Variants in TNFSF10 observed in about 807,000 individuals in gnomAD.
The protein encoded by TNFSF10 is TNF superfamily member 10, also known as tumor necrosis factor ligand superfamily member 10.
In TNFSF10, 13 loss-of-function variants were observed where a neutral mutation model predicts 29.5. That is an observed-to-expected ratio of 0.44 (90% confidence interval 0.29 to 0.70). The LOEUF (loss-of-function observed/expected upper bound fraction) is 0.70. TNFSF10 is among the 30% of genes least tolerant of loss of function. TNFSF10 has a pLI of 0.13. For synonymous variants in TNFSF10, 111 were observed against 112.8 expected (o/e 0.98, Z 0.10); for missense variants, 345 against 330.9 (o/e 1.04, Z -0.33).
intron 2 of TNFSF10, 91 bp from the exon 3 acceptor site, chr3:172,511,750 A>C: frequency 8.7e-7 from 1 of 1,147,820 alleles, no homozygotes; most frequent in Non-Finnish European, 1.3e-6. Flanking sequence ...GATGTCTAAC[A>C]GGAAATTTCT....
intron 4 of TNFSF10, chr3:172,507,359 A>G (rs919054091): frequency 6.4e-6 from 1 of 155,574 alleles, no homozygotes; most frequent in Non-Finnish European, 1.4e-5. Flanking sequence ...AAATCTCAGA[A>G]GTTCTTGCCA....
intron 4 of TNFSF10, 53 bp from the exon 5 acceptor site, chr3:172,506,972 G>A (rs1713013870): frequency 5.0e-6 from 7 of 1,393,578 alleles, no homozygotes; most frequent in Non-Finnish European, 6.5e-6. Flanking sequence ...TTGTAGCAAA[G>A]CAAGGAGCTT....
chr3:172,508,394 A>G (rs955022701), intron 4 of TNFSF10, among the ~76,000 whole-genome samples: 1 of 152,228 alleles, frequency 6.6e-6, no homozygotes, highest in East Asian at 1.9e-4. Context: ...TGTAACATAT[A>G]TGGTTAAACT....
At chr3:172,520,421 G>A (rs1183311709) in intron 1 of TNFSF10, among the ~76,000 whole-genome samples, 3 of 152,146 alleles carry the variant, frequency 2.0e-5, no homozygotes, top group East Asian at 3.8e-4. Flanking sequence ...CCAGTCCTTT[G>A]TATTCTCACT....
intron 1 of TNFSF10, 82 bp from the exon 2 acceptor site, chr3:172,515,080 C>T: frequency 6.3e-7 from 1 of 1,581,198 alleles, no homozygotes; most frequent in South Asian, 1.1e-5. Context: ...ACAACAGAAA[C>T]TGATAGCAGA....
chr3:172,519,434 G>A (rs925940250), intron 1 of TNFSF10, among the ~76,000 whole-genome samples: 7 of 152,184 alleles, frequency 4.6e-5, no homozygotes, highest in Non-Finnish European at 1.0e-4. Flanking sequence ...AATTGATGGA[G>A]CTACTTGTGT....
chr3:172,517,286 C>T (rs767233985), intron 1 of TNFSF10: 188 of 973,580 alleles, frequency 1.9e-4, no homozygotes, highest in Non-Finnish European at 2.2e-4. Flanking sequence ...AGGTTAGCAC[C>T]AATTGCTGGC....
At chr3:172,509,119 CA>C (rs1713116231) in intron 4 of TNFSF10, 97 bp downstream of exon 4, 1 of 926,430 alleles carries the variant, frequency 1.1e-6, no homozygotes, top group South Asian at 1.7e-5. Flanking sequence ...TGTAGATAGC[CA>C]TATAAACATT....
At chr3:172,522,330 A>T in intron 1 of TNFSF10, 1 of 915,456 alleles carries the variant, frequency 1.1e-6, no homozygotes, top group Non-Finnish European at 1.8e-6. Flanking sequence ...TCTAAGAGCT[A>T]CATTACAGAT....
chr3:172,523,320 A>G lies in TNFSF10; in HGVS notation c.65T>C (p.Phe22Ser). Residue 22 changes from phenylalanine (F) to serine (S), a missense_variant, in exon 1 of 5, where the codon TTC becomes TCC. By Grantham distance (155) the Phe-to-Ser change is radical. Transcript: ENST00000241261. ...ACAGAGAGACTGCAGGAGCACTGTG[A>G]AGATCACGATCAGCACGCAGGTCTG... is the stretch of plus-strand genomic sequence containing the variant. ...LGQTCVLIVIFTVLLQSLCVA... is the reference protein window; with the variant it reads ...LGQTCVLIVISTVLLQSLCVA... 6.2e-7 allele frequency: 1 copy of G among 1,614,030 alleles called. No individual in the cohort carries two copies. Among genetic ancestry groups the G allele is most frequent in the South Asian group, 1.1e-5 (1 of 91,076 alleles).
At chr3:172,509,095 A>G (rs1713115410) in intron 4 of TNFSF10, 122 bp downstream of exon 4, 2 of 730,318 alleles carry the variant, frequency 2.7e-6, no homozygotes, top group Admixed American at 2.9e-5. Flanking sequence ...AGATCTGATT[A>G]ATACTGAGCA....
Position 172,506,432 on chromosome 3 carries a change from T to G in TNFSF10, c.*60A>C. On this transcript the variant is annotated 3_prime_UTR_variant, in exon 5 of 5. Transcript: ENST00000241261. ...CAGATTTTTTGAAACATCTTCATAGTGTATCATCCTGAAAACTGAATAGTC... is the reference window on the plus strand; with the variant it reads ...CAGATTTTTTGAAACATCTTCATAGGGTATCATCCTGAAAACTGAATAGTC... The G allele has an allele frequency of 6.6e-7, 1 of 1,504,222 alleles. No homozygotes were observed. Among genetic ancestry groups the G allele is most frequent in the South Asian group, 1.3e-5 (1 of 74,182 alleles). 93.2% of individuals were successfully genotyped at this position (1,504,222 alleles called of 1,614,324 possible).
At chr3:172,517,239 A>T in intron 1 of TNFSF10, 1 of 731,394 alleles carries the variant, frequency 1.4e-6, no homozygotes, top group South Asian at 6.2e-5. Context: ...TTTGACAAGG[A>T]TGGTCGTGGT....
intron 3 of TNFSF10, among the ~76,000 whole-genome samples, chr3:172,511,241 C>T (rs1713212459): frequency 6.6e-6 from 1 of 152,136 alleles, no homozygotes; most frequent in Non-Finnish European, 1.5e-5. Flanking sequence ...TGGCCTGAAA[C>T]AAAGAAGGGT....
intron 1 of TNFSF10, chr3:172,522,181 A>G (rs566946656): frequency 3.5e-4 from 133 of 376,870 alleles, no homozygotes; most frequent in East Asian, 3.1e-3. Flanking sequence ...CACGTTCTGT[A>G]CACGTATCCC....
At position 172,506,868 on chromosome 3, in the gene TNFSF10, G is replaced by A. The variant is rs144124655; in HGVS notation, c.470C>T (p.Ser157Leu). The A allele has an allele frequency of 1.9e-6, 3 of 1,613,916 alleles. No individual in the cohort carries two copies. Among genetic ancestry groups the A allele is most frequent in the Non-Finnish European group, 1.7e-6 (2 of 1,179,982 alleles). Residue 157 changes from serine (S) to leucine (L), a missense_variant, in exon 5 of 5, where the codon TCA (serine) becomes TTA (leucine). By Grantham distance (145) the Ser-to-Leu change is moderately radical (BLOSUM62 -2). Coordinates refer to ENST00000241261, the MANE Select transcript of TNFSF10 (RefSeq NM_003810.4). ...GCTCAGGAATGAATGCCCACTCCTT[G>A]ATGATTCCCAGGAGTTTATTTTGCG... The part of the protein sequence containing the change: ...LGRKINSWES[S>L]RSGHSFLSNL...
chr3:172,514,119 G>C (rs3774314), intron 2 of TNFSF10, among the ~76,000 whole-genome samples: 64 of 152,100 alleles, frequency 4.2e-4, no homozygotes, highest in Non-Finnish European at 7.8e-4. Flanking sequence ...GATTACAGGC[G>C]TGAGCCACTA....
intron 1 of TNFSF10, among the ~76,000 whole-genome samples, chr3:172,522,068 G>C (rs1445056239): frequency 1.9e-5 from 1 of 51,698 alleles, no homozygotes; most frequent in African/African-American, 6.9e-5. Context: ...GGGAGGGAGA[G>C]CATTAGAACA....
chr3:172,506,588 A>G lies in TNFSF10; in HGVS notation c.750T>C (p.Leu250=). The part of the protein sequence containing the change: ...YSIYQGGIFE[L]KENDRIFVSV... Reference sequence around the variant, plus strand: ...AAACAAAAATTCTGTCATTTTCCTTAAGCTCAAATATTCCCCCTTGATAGA... The same window carrying G: ...AAACAAAAATTCTGTCATTTTCCTTGAGCTCAAATATTCCCCCTTGATAGA... Residue 250 remains leucine (L), a synonymous_variant, in exon 5 of 5, where the codon CTT becomes CTC. Transcript: ENST00000241261. The G allele has an allele frequency of 6.2e-7, 1 of 1,614,110 alleles. No homozygotes were observed. Among genetic ancestry groups the G allele is most frequent in the South Asian group, 1.1e-5 (1 of 91,072 alleles).
Sources: gnomAD v4.1 joint callset for allele counts (sites outside exome capture counted in the v4.1 genomes callset) on GRCh38, gnomAD v4.1.1 for gene constraint, MANE v1.5 for transcripts, NCBI Gene and HGNC (gene_info 2026-07-23, HGNC 2026-07-21) for gene names.